RAB20: variants seen among roughly 807,000 people sequenced by gnomAD.
RAB20 encodes the protein RAB20, member RAS oncogene family, also known as ras-related protein Rab-20.
A neutral mutation model predicts 3.7 loss-of-function variants in RAB20; 2 were observed. The ratio of observed to expected loss-of-function variants is 0.54; its 90% CI spans 0.22 to 1.69. The LOEUF is 1.69. Among genes scored for constraint, RAB20 ranks in the 40% most tolerant of loss-of-function variants. RAB20 has a pLI of 0.19. For missense variants in RAB20, 276 were observed against 311.9 expected, an observed-to-expected ratio of 0.88 and a Z score of 0.87; for synonymous variants, 126 against 130.8, an observed-to-expected ratio of 0.96 and a Z score of 0.25.
chr13:110,551,918 C>CA (rs3074410), intron 1 of RAB20, among the ~76,000 whole-genome samples: 162 of 100,986 alleles, frequency 1.6e-3, no homozygotes, highest in African/African-American at 4.5e-3. Flanking sequence ...CCTGTCTCTA[C>CA]AAAAAAAAAA....
rs191713117 is a variant in RAB20 at position 110,529,637 on chromosome 13, A to T, written c.173-5440T>A. On this transcript the variant is annotated intron_variant, in intron 1 of 1. Transcript: ENST00000267328. The stretch of plus-strand genomic sequence containing the variant: ...TGCAGCCAAGGGTCAGTGAGCTGCC[A>T]ACCCTGGTCTGGTGAACGGAGCCAG... Among the ~76,000 whole-genome samples, 105 of 152,314 alleles carry T rather than the reference A, an allele frequency of 6.9e-4. No homozygotes were observed. In the South Asian group the frequency reaches 9.3e-3, roughly 14 times the overall value.
chr13:110,547,160 C>T (rs201471408), intron 1 of RAB20, among the ~76,000 whole-genome samples: 2 of 152,080 alleles, frequency 1.3e-5, no homozygotes, highest in South Asian at 2.1e-4. Context: ...CAAATCACAG[C>T]GGTCTACACG....
intron 1 of RAB20, among the ~76,000 whole-genome samples, chr13:110,534,367 G>C (rs1884603478): frequency 6.6e-6 from 1 of 152,188 alleles, no homozygotes; most frequent in Non-Finnish European, 1.5e-5. Flanking sequence ...GCAAAGCTGA[G>C]GCTCTCCAGA....
At chr13:110,533,637 G>T (rs998489) in intron 1 of RAB20, among the ~76,000 whole-genome samples, 61,727 of 152,002 alleles carry the variant, frequency 0.41, 13,026 homozygotes, top group African/African-American at 0.52. Context: ...CAGTGAGCTG[G>T]GATACTGCCA....
At chr13:110,525,063 G>C (rs1380797545) in intron 1 of RAB20, among the ~76,000 whole-genome samples, 1 of 131,178 alleles carries the variant, frequency 7.6e-6, no homozygotes, top group Non-Finnish European at 1.8e-5. Flanking sequence ...CACTGGGTCT[G>C]GCGGGGAACA....
intron 1 of RAB20, among the ~76,000 whole-genome samples, chr13:110,540,833 A>G (rs1036641924): frequency 6.6e-6 from 1 of 152,174 alleles, no homozygotes; most frequent in Non-Finnish European, 1.5e-5. Context: ...ATATATACGT[A>G]TCTCTCTCAC....
intron 1 of RAB20, among the ~76,000 whole-genome samples, chr13:110,527,930 C>T (rs1884459563): frequency 6.7e-6 from 1 of 149,704 alleles, no homozygotes; most frequent in Admixed American, 6.6e-5. Context: ...CACACACACA[C>T]ACACACACAC....
Position 110,523,588 on chromosome 13 carries a change from GCTC to G in RAB20, c.*74_*76del. On this transcript the variant is annotated 3_prime_UTR_variant, in exon 2 of 2. Transcript: ENST00000267328. ...GGAAAATAATTCCTTGCTGTTCCTTGCTCCTTTCAGATCACAGCTTGCCTGGTC... is the reference window on the plus strand; with the variant it reads ...GGAAAATAATTCCTTGCTGTTCCTTGCTTTCAGATCACAGCTTGCCTGGTC... 6.5e-7 allele frequency: 1 copy of G among 1,545,042 alleles called. No homozygotes were observed. Among genetic ancestry groups the G allele is most frequent in the South Asian group, 1.3e-5 (1 of 79,596 alleles).
At position 110,524,216 on chromosome 13, in the gene RAB20, C is replaced by A. The variant is rs1360614880; in HGVS notation, c.173-19G>T. 1.2e-5 allele frequency: 18 copies of A among 1,563,042 alleles called. No individual in the cohort carries two copies. The South Asian group carries it at 1.8e-4, about 15-fold the overall frequency. ...TCCCGCCCTGGTGGGAAGAGAGGGA[C>A]AGAAAGAGTGGTTATCTCTCATCTC... On this transcript the variant is annotated intron_variant, in intron 1 of 1. Transcript: ENST00000267328.
chr13:110,535,641 C>T (rs375847578), intron 1 of RAB20, among the ~76,000 whole-genome samples: 5 of 152,372 alleles, frequency 3.3e-5, no homozygotes, highest in African/African-American at 1.2e-4. Flanking sequence ...CCATTAAATG[C>T]CTGTGCAGTG....
chr13:110,544,853 T>C (rs972836956), intron 1 of RAB20, among the ~76,000 whole-genome samples: 8 of 152,220 alleles, frequency 5.3e-5, no homozygotes, highest in Admixed American at 3.3e-4. Flanking sequence ...TCAACTTGAA[T>C]TGTATCTCCC....
intron 1 of RAB20, among the ~76,000 whole-genome samples, chr13:110,534,635 C>A (rs1385110095): frequency 3.9e-5 from 6 of 152,192 alleles, no homozygotes; most frequent in African/African-American, 1.4e-4. Flanking sequence ...AGTTATCTTT[C>A]CAAATGCTGA....
chr13:110,541,812 C>T (rs1227570724), intron 1 of RAB20, among the ~76,000 whole-genome samples: 1 of 71,466 alleles, frequency 1.4e-5, no homozygotes, highest in Non-Finnish European at 2.6e-5. Flanking sequence ...GGCGGAGTGT[C>T]CAGCCACACA....
intron 1 of RAB20, among the ~76,000 whole-genome samples, chr13:110,541,479 A>G (rs1204025795): frequency 1.3e-5 from 2 of 152,254 alleles, no homozygotes; most frequent in Non-Finnish European, 2.9e-5. Flanking sequence ...CTGCCACATG[A>G]AAGCTCACCT....
Position 110,523,475 on chromosome 13 carries a change from A to T in RAB20, c.*190T>A. 2 of 1,112,226 alleles carry T rather than the reference A, an allele frequency of 1.8e-6. No individual in the cohort carries two copies. Among genetic ancestry groups the T allele is most frequent in the Non-Finnish European group, 2.5e-6 (2 of 806,112 alleles). The allele number at this position is 1,112,226 out of a possible 1,614,324, so 68.9% of individuals were successfully genotyped here. ...TGTTTCCCACCTCCCCACCCCTCTG[A>T]CAGAGACTGAGGAGACCACACACGT... On this transcript the variant is annotated 3_prime_UTR_variant, in exon 2 of 2. Coordinates refer to ENST00000267328, the MANE Select transcript of RAB20 (RefSeq NM_017817.3).
At position 110,531,849 on chromosome 13, in the gene RAB20, G is replaced by A. The variant is rs77995515; in HGVS notation, c.173-7652C>T. Among the ~76,000 whole-genome samples the A allele has an allele frequency of 4.1e-4, 63 of 152,298 alleles. 1 individual carries two copies. In the East Asian group the frequency reaches 0.011, roughly 27 times the overall value. Reference sequence around the variant, plus strand: ...TGGTCCTGGGGGTGCTCCGGATGTTGCCAGATCAGTGGAGCTGACATGGCC... The same window carrying A: ...TGGTCCTGGGGGTGCTCCGGATGTTACCAGATCAGTGGAGCTGACATGGCC... On this transcript the variant is annotated intron_variant, in intron 1 of 1. Transcript: ENST00000267328.
At chr13:110,560,900 G>C (rs1885117660) in intron 1 of RAB20, among the ~76,000 whole-genome samples, 3 of 152,120 alleles carry the variant, frequency 2.0e-5, no homozygotes, top group Admixed American at 2.0e-4. Flanking sequence ...AAACCCAACA[G>C]GGGGGAACAC....
chr13:110,539,723 C>G (rs1395421201), intron 1 of RAB20, among the ~76,000 whole-genome samples: 1 of 152,082 alleles, frequency 6.6e-6, no homozygotes, highest in African/African-American at 2.4e-5. Flanking sequence ...CCACGCCTGG[C>G]TAATTTTTGT....
At chr13:110,524,545 A>T (rs1019055945) in intron 1 of RAB20, among the ~76,000 whole-genome samples, 1 of 152,220 alleles carries the variant, frequency 6.6e-6, no homozygotes, top group Admixed American at 6.5e-5. Context: ...GAAGGAATCA[A>T]GAACTGATGT....
Sources: allele counts gnomAD v4.1 joint callset (sites outside exome capture counted in the v4.1 genomes callset), GRCh38; gene constraint gnomAD v4.1.1; transcripts MANE v1.5; gene names NCBI Gene and HGNC (gene_info 2026-07-23, HGNC 2026-07-21).